Variants in UGGT2 observed in about 807,000 individuals in gnomAD.
UGGT2 encodes UDP-glucose glycoprotein glucosyltransferase 2.
In UGGT2, 180 loss-of-function variants were observed where a neutral mutation model predicts 192.1. The ratio of observed to expected loss-of-function variants is 0.94; its 90% confidence interval spans 0.83 to 1.06. The LOEUF (loss-of-function observed/expected upper bound fraction) is 1.06. Among genes scored for constraint, UGGT2 ranks in the 50% least tolerant of loss-of-function variants. UGGT2 has a pLI of 0.00. For synonymous variants in UGGT2, 580 were observed against 591.0 expected, an observed-to-expected ratio of 0.98 and a Z score of 0.27; for missense variants, 1,849 against 1,795.7, an observed-to-expected ratio of 1.03 and a Z score of -0.54.
intron 6 of UGGT2, among the ~76,000 whole-genome samples, chr13:95,996,601 G>C (rs1476168565): frequency 2.6e-5 from 4 of 151,980 alleles, no homozygotes; most frequent in Non-Finnish European, 5.9e-5. Flanking sequence ...ATGTGTACAG[G>C]CTAACATTCC....
At chr13:95,921,436 C>T (rs978384535) in intron 20 of UGGT2, among the ~76,000 whole-genome samples, 2 of 151,720 alleles carry the variant, frequency 1.3e-5, no homozygotes, top group African/African-American at 4.8e-5. Flanking sequence ...GTTAGCATGC[C>T]TCTCCCACTT....
intron 8 of UGGT2, among the ~76,000 whole-genome samples, chr13:95,988,013 C>T (rs934563786): frequency 6.6e-6 from 1 of 152,198 alleles, no homozygotes. Flanking sequence ...CAGATCCCTT[C>T]CTTGATACAC....
chr13:95,904,256 C>G (rs960911171), intron 20 of UGGT2, among the ~76,000 whole-genome samples: 1 of 151,704 alleles, frequency 6.6e-6, no homozygotes, highest in Non-Finnish European at 1.5e-5. Flanking sequence ...TTTTAGAAAC[C>G]TTTCTCTACT....
At chr13:95,956,293 A>T (rs2050209918) in intron 12 of UGGT2, among the ~76,000 whole-genome samples, 1 of 152,218 alleles carries the variant, frequency 6.6e-6, no homozygotes, top group African/African-American at 2.4e-5. Flanking sequence ...AAGGGTGCCA[A>T]GCAAAGGTAA....
At chr13:95,953,874 ATTATT>A (rs570368785) in intron 12 of UGGT2, among the ~76,000 whole-genome samples, 287 of 152,328 alleles carry the variant, frequency 1.9e-3, no homozygotes, top group African/African-American at 6.5e-3. Context: ...CCATGTGCTG[ATTATT>A]TTATCATCTA....
At chr13:95,995,724 G>C (rs2051597348) in intron 7 of UGGT2, among the ~76,000 whole-genome samples, 1 of 152,046 alleles carries the variant, frequency 6.6e-6, no homozygotes, top group Non-Finnish European at 1.5e-5. Flanking sequence ...TACACACTAT[G>C]GTTCTACTGT....
At chr13:95,977,116 A>G (rs934114253) in intron 10 of UGGT2, among the ~76,000 whole-genome samples, 5 of 152,190 alleles carry the variant, frequency 3.3e-5, no homozygotes, top group African/African-American at 1.2e-4. Flanking sequence ...AACTTAGGCA[A>G]TATCATTCAG....
chr13:95,922,446 CT>C (rs35233965), intron 20 of UGGT2, among the ~76,000 whole-genome samples: 45,891 of 152,052 alleles, frequency 0.3, 7,538 homozygotes, highest in Admixed American at 0.37. Flanking sequence ...ACATGTACCC[CT>C]GGAATCAAAG....
Position 95,884,587 on chromosome 13 carries a change from T to G in UGGT2, c.3132A>C (p.Glu1044Asp). ...TCATGTTGAGGATTAGGAGGGGTGA[T>G]TCAGGAATATCCAAAAATTTTGCCA... Reference protein sequence around the residue: ...GPVAKFLDIPESPLLILNMIT... With the variant: ...GPVAKFLDIPDSPLLILNMIT... The change falls in exon 27 of 39, where the codon GAA becomes GAC. Residue 1044 changes from glutamate to aspartate, a missense_variant. By Grantham distance (45) the Glu-to-Asp change is conservative. Transcript: ENST00000376747. 1 of 1,613,998 alleles carries G rather than the reference T, an allele frequency of 6.2e-7. No individual in the cohort carries two copies. The highest frequency in any genetic ancestry group is 2.2e-5 in the East Asian group (1 of 44,840).
At chr13:95,862,819 G>C (rs1032921595) in intron 31 of UGGT2, among the ~76,000 whole-genome samples, 4 of 152,134 alleles carry the variant, frequency 2.6e-5, no homozygotes, top group African/African-American at 7.2e-5. Flanking sequence ...GCCAACACCA[G>C]GTGTACTCCT....
chr13:95,907,318 G>A (rs879622476), intron 20 of UGGT2, among the ~76,000 whole-genome samples: 2 of 152,328 alleles, frequency 1.3e-5, no homozygotes, highest in Non-Finnish European at 1.5e-5. Flanking sequence ...AACTCCACCT[G>A]TGTGGGCAGG....
intron 13 of UGGT2, 37 bp downstream of exon 13, chr13:95,949,298 A>G (rs770335297): frequency 7.1e-7 from 1 of 1,413,290 alleles, no homozygotes; most frequent in Admixed American, 2.4e-5. Context: ...TGATATCTTT[A>G]TAAGATATAT....
intron 24 of UGGT2, among the ~76,000 whole-genome samples, chr13:95,891,592 C>A (rs1273939711): frequency 1.3e-5 from 2 of 152,014 alleles, no homozygotes; most frequent in African/African-American, 4.8e-5. Flanking sequence ...GGGAGACAGT[C>A]AATTCTACAT....
At chr13:95,809,040 G>A (rs540528338) in intron 38 of UGGT2, among the ~76,000 whole-genome samples, 1 of 152,236 alleles carries the variant, frequency 6.6e-6, no homozygotes, top group Non-Finnish European at 1.5e-5. Context: ...ATGTTAACCT[G>A]ACACCTAAGA....
chr13:95,910,303 A>T (rs1488967754), intron 20 of UGGT2, among the ~76,000 whole-genome samples: 3 of 152,242 alleles, frequency 2.0e-5, no homozygotes, highest in African/African-American at 7.2e-5. Context: ...TGGAAATTGG[A>T]TAAAGAGTCA....
intron 15 of UGGT2, among the ~76,000 whole-genome samples, chr13:95,940,889 G>A (rs929608425): frequency 5.9e-5 from 9 of 152,124 alleles, no homozygotes; most frequent in African/African-American, 2.2e-4. Context: ...CACCATGCCA[G>A]GCCTTACTAG....
chr13:95,947,878 T>A (rs1228106623), intron 14 of UGGT2, 118 bp downstream of exon 14: 1 of 706,150 alleles, frequency 1.4e-6, no homozygotes. Context: ...AGCTGTGTTA[T>A]GTCAGGCACT....
Position 95,908,160 on chromosome 13 carries a change from T to A in UGGT2, c.2296-5100A>T, listed in dbSNP as rs1594292470. On this transcript the variant is annotated intron_variant, in intron 20 of 38. Coordinates refer to ENST00000376747, the MANE Select transcript of UGGT2 (RefSeq NM_020121.4). ...AAGAAAGGGTATCAGTGATTGAAGA[T>A]CAAATTAATGAAATAAAGTGAGAAG... 2.0e-5 allele frequency among the ~76,000 whole-genome samples: 3 copies of A among 152,082 alleles called. No homozygotes were observed. The South Asian group carries it at 6.2e-4, about 32-fold the overall frequency.
chr13:95,943,006 G>GT (rs1471556069), intron 15 of UGGT2, among the ~76,000 whole-genome samples: 12 of 152,066 alleles, frequency 7.9e-5, no homozygotes, highest in Non-Finnish European at 1.5e-4. Flanking sequence ...CACAGTTGTT[G>GT]TAAGTCCACT....
Sources: gnomAD v4.1 joint callset for allele counts (sites outside exome capture counted in the v4.1 genomes callset) on GRCh38, gnomAD v4.1.1 for gene constraint, MANE v1.5 for transcripts, NCBI Gene and HGNC (gene_info 2026-07-23, HGNC 2026-07-21) for gene names.